NUP62: variants seen among roughly 807,000 people sequenced by gnomAD.
NUP62 encodes nucleoporin 62, also known as nuclear pore glycoprotein p62.
For missense variants in NUP62, 647 were observed against 689.4 expected (o/e 0.94, Z 0.69); for synonymous variants, 305 against 303.4 (o/e 1.01, Z -0.05).
intron 1 of NUP62, chr19:49,928,815 G>A (rs2075979921): frequency 6.6e-6 from 1 of 152,298 alleles, no homozygotes; most frequent in Admixed American, 6.5e-5. Context: ...TGCAAGCAAG[G>A]AAAGGGAAAG....
chr19:49,913,031 C>T (rs1423868610), intron 2 of NUP62: 1 of 152,348 alleles, frequency 6.6e-6, no homozygotes, highest in African/African-American at 2.4e-5. Context: ...AACCAGGGCT[C>T]AGGGCAGGCA....
intron 2 of NUP62, among the ~76,000 whole-genome samples, chr19:49,924,407 C>A (rs970501554): frequency 6.6e-6 from 1 of 152,160 alleles, no homozygotes; most frequent in East Asian, 1.9e-4. Context: ...CTCTGCTAAC[C>A]GGGAGCGGTT....
Position 49,907,901 on chromosome 19 carries a change from T to C in NUP62, c.*338A>G, listed in dbSNP as rs1044276. ...ATGACTATGCTTTGGAGAGAGTGGC[T>C]GCCCCCACGACCCTGGCTGGGACCA... On this transcript the variant is annotated 3_prime_UTR_variant, in exon 3 of 3. Transcript: ENST00000352066. The C allele has an allele frequency of 0.19, 81,673 of 424,726 alleles. 8,956 individuals are homozygous for C. The highest frequency in any genetic ancestry group is 0.26 in the South Asian group (10,644 of 41,578). 26.3% of individuals were successfully genotyped at this position (424,726 alleles called of 1,614,324 possible).
intron 2 of NUP62, among the ~76,000 whole-genome samples, chr19:49,914,538 G>A (rs2075568415): frequency 6.6e-6 from 1 of 151,972 alleles, no homozygotes; most frequent in South Asian, 2.1e-4. Flanking sequence ...CAAACAACAC[G>A]GCCGCCTTCA....
chr19:49,914,119 CAGG>C (rs1325701555), intron 2 of NUP62, among the ~76,000 whole-genome samples: 1 of 152,088 alleles, frequency 6.6e-6, no homozygotes, highest in Non-Finnish European at 1.5e-5. Flanking sequence ...GAGGCCAAGG[CAGG>C]AGGATTGCTT....
chr19:49,908,477 A>T lies in NUP62; in HGVS notation c.1331T>A (p.Leu444His). Residue 444 changes from leucine (L) to histidine (H), a missense_variant, in exon 3 of 3, where the codon CTC becomes CAC. Transcript: ENST00000352066. ...CTTGAGATCCTGGGCCATGCGCTTG[A>T]GCTGTGCATCGATGTTCTCAGCCAG... Reference protein sequence around the residue: ...YKLAENIDAQLKRMAQDLKDI... With the variant: ...YKLAENIDAQHKRMAQDLKDI... 1.2e-6 allele frequency: 2 copies of T among 1,614,058 alleles called. No individual in the cohort carries two copies. The highest frequency in any genetic ancestry group is 1.7e-6 in the Non-Finnish European group (2 of 1,180,032).
intron 2 of NUP62, among the ~76,000 whole-genome samples, chr19:49,911,704 G>T (rs1033779793): frequency 1.3e-4 from 20 of 152,324 alleles, no homozygotes; most frequent in African/African-American, 4.6e-4. Flanking sequence ...ATCTCAATGG[G>T]CGTCCATCAC....
At position 49,908,329 on chromosome 19, in the gene NUP62, G is replaced by A. The variant is rs548850043; in HGVS notation, c.1479C>T (p.Ala493=). The A allele has an allele frequency of 6.2e-7, 1 of 1,614,068 alleles. No homozygotes were observed. The highest frequency in any genetic ancestry group is 1.3e-5 in the African/African-American group (1 of 75,012). The change falls in exon 3 of 3, where the codon GCC becomes GCT. Residue 493 remains alanine (A), a synonymous_variant. Coordinates refer to ENST00000352066, the MANE Select transcript of NUP62 (RefSeq NM_016553.5). ...CCTCCTCCACCTTCCTCTGCAGCAG[G>A]GCCGAGTTCTGGTCGATCCACTGCA... is the stretch of plus-strand genomic sequence containing the variant. ...DSLQWIDQNS[A]LLQRKVEEVT...
chr19:49,912,876 A>G (rs530745319), intron 2 of NUP62: 1 of 152,368 alleles, frequency 6.6e-6, no homozygotes, highest in East Asian at 1.9e-4. Context: ...AAAAAGAAAG[A>G]AAGGAGACCT....
intron 2 of NUP62, among the ~76,000 whole-genome samples, chr19:49,918,909 C>CG (rs2075695020): frequency 6.2e-5 from 1 of 16,048 alleles, no homozygotes; most frequent in African/African-American, 2.3e-4. Context: ...GGGGGGGGGG[C>CG]GGGGTGTGGG....
chr19:49,909,290 A>G lies in NUP62; in HGVS notation c.518T>C (p.Ile173Thr). The change falls in exon 3 of 3, where the codon ATT becomes ACT. Residue 173 changes from isoleucine to threonine, a missense_variant. Ile to Thr is a moderately conservative substitution (Grantham distance 89). Coordinates refer to ENST00000352066, the MANE Select transcript of NUP62 (RefSeq NM_016553.5). ...CTGGGCTGAATTCCCTGCTGAGCCA[A>G]TGTTGAAACCGGAGGGTTGGGCCGT... Reference protein sequence around the residue: ...GSTAQPSGFNIGSAGNSAQPT... With the variant: ...GSTAQPSGFNTGSAGNSAQPT... The G allele has an allele frequency of 6.2e-7, 1 of 1,614,076 alleles. No homozygotes were observed. Among genetic ancestry groups the G allele is most frequent in the Non-Finnish European group, 8.5e-7 (1 of 1,180,008 alleles).
rs61338594 is a variant in NUP62 at position 49,907,542 on chromosome 19, T to C, written c.*697A>G. ...CTGCTGTCTCCTGGGAGTTTCTTTT[T>C]TTTTTTTTTTTTTTTTGAGACAGAG... On this transcript the variant is annotated 3_prime_UTR_variant, in exon 3 of 3. Transcript: ENST00000352066. 2.2e-4 allele frequency: 71 copies of C among 329,274 alleles called. No individual in the cohort carries two copies. The highest frequency in any genetic ancestry group is 1.1e-3 in the African/African-American group (44 of 41,006). The allele number at this position is 329,274 out of a possible 1,614,324, so 20.4% of individuals were successfully genotyped here. A position where few individuals can be genotyped will look rare whatever the true frequency, so the allele number is the denominator to read the frequency against.
At chr19:49,917,008 G>A (rs1266286558) in intron 2 of NUP62, among the ~76,000 whole-genome samples, 1 of 152,286 alleles carries the variant, frequency 6.6e-6, no homozygotes, top group Non-Finnish European at 1.5e-5. Flanking sequence ...TGACAACGCA[G>A]AGCCCAGATG....
intron 2 of NUP62, among the ~76,000 whole-genome samples, chr19:49,926,208 CAA>C (rs33981121): frequency 7.5e-4 from 32 of 42,500 alleles, no homozygotes; most frequent in Admixed American, 2.2e-3. Context: ...GACTCTGTCT[CAA>C]AAAAAAAAAA....
chr19:49,925,848 C>G (rs1003927225), intron 2 of NUP62, among the ~76,000 whole-genome samples: 1 of 152,162 alleles, frequency 6.6e-6, no homozygotes, highest in African/African-American at 2.4e-5. Flanking sequence ...TACAGAAATT[C>G]TCCGTATTAT....
Position 49,909,094 on chromosome 19 carries a change from G to T in NUP62, c.714C>A (p.Ser238=). 6.2e-7 allele frequency: 1 copy of T among 1,612,570 alleles called. No homozygotes were observed. The highest frequency in any genetic ancestry group is 8.5e-7 in the Non-Finnish European group (1 of 1,180,042). ...APTSSATTGL[S]LCTPVTTAGA... is the part of the protein sequence containing the mutation. ...CCGCTGTGGTCACAGGGGTACAGAG[G>T]GAGAGTCCAGTGGTGGCAGATGAGG... The change falls in exon 3 of 3, where the codon TCC becomes TCA. Residue 238 remains serine (S), a synonymous_variant. Coordinates refer to ENST00000352066, the MANE Select transcript of NUP62 (RefSeq NM_016553.5).
intron 2 of NUP62, among the ~76,000 whole-genome samples, chr19:49,911,783 A>G (rs2075469997): frequency 6.6e-6 from 1 of 152,224 alleles, no homozygotes; most frequent in Non-Finnish European, 1.5e-5. Flanking sequence ...CGGGGCTGGG[A>G]TGCTGTGGCC....
rs368073112 is a variant in NUP62, at chr19:49,912,017, C to T, written c.-77-2133G>A. Among the ~76,000 whole-genome samples the T allele has an allele frequency of 2.9e-4, 44 of 152,336 alleles. 3 individuals are homozygous for T. The South Asian group carries it at 6.8e-3, about 24-fold the overall frequency. On this transcript the variant is annotated intron_variant, in intron 2 of 2. Coordinates refer to ENST00000352066, the MANE Select transcript of NUP62 (RefSeq NM_016553.5). ...GCAGCTACACCTACACATCTCAGTT[C>T]TCAAGAACTCAGCTTAAAAAAGCTT...
chr19:49,925,591 G>GA (rs1370279494), intron 2 of NUP62, among the ~76,000 whole-genome samples: 1 of 152,140 alleles, frequency 6.6e-6, no homozygotes, highest in Non-Finnish European at 1.5e-5. Flanking sequence ...GAAGGACAAG[G>GA]AAAGTCTAAA....
Sources: allele counts gnomAD v4.1 joint callset (sites outside exome capture counted in the v4.1 genomes callset), GRCh38; gene constraint gnomAD v4.1.1; transcripts MANE v1.5; gene names NCBI Gene and HGNC (gene_info 2026-07-23, HGNC 2026-07-21).